The following CELA2B variants were observed in gnomAD, a reference collection of about 807,000 sequenced individuals.
CELA2B encodes the protein chymotrypsin-like elastase family member 2B.
In CELA2B, 27 loss-of-function variants were observed where a neutral mutation model predicts 36.5. The observed-to-expected ratio is 0.74, with a 90% CI of 0.55 to 1.02. The LOEUF is 1.02. Ranked by LOEUF, CELA2B falls within the 50% of genes least tolerant of loss-of-function variation. The pLI, the probability that CELA2B is intolerant of heterozygous loss-of-function variation, is 0.00. For missense variants in CELA2B, 340 were observed against 347.8 expected (o/e 0.98, Z 0.18); for synonymous variants, 143 against 148.5 (o/e 0.96, Z 0.27).
In CELA2B at chr1:15,482,246, T is replaced by C. The variant is rs1382233726; in HGVS notation, c.228-19T>C. 1.2e-6 allele frequency: 2 copies of C among 1,613,328 alleles called. No individual in the cohort carries two copies. The highest frequency in any genetic ancestry group is 1.7e-6 in the Non-Finnish European group (2 of 1,179,514). On this transcript the variant is annotated intron_variant, in intron 3 of 7. Coordinates refer to ENST00000375910, the MANE Select transcript of CELA2B (RefSeq NM_015849.3). ...AGGCCTCTGGAGGTGACCCTCTCCC[T>C]GGGACCCCTTTCTCCCAGCTCCTCC...
chr1:15,481,642 C>T, intron 3 of CELA2B: 1 of 473,926 alleles, frequency 2.1e-6, no homozygotes, highest in South Asian at 1.5e-5. Flanking sequence ...TTCTGAATTG[C>T]AGACAAATTA....
chr1:15,476,705 G>A (rs1441585096), intron 2 of CELA2B, among the ~76,000 whole-genome samples, 160 bp downstream of exon 2: 1 of 152,184 alleles, frequency 6.6e-6, no homozygotes, highest in Non-Finnish European at 1.5e-5. Context: ...ATTTCCAGCT[G>A]GGCACAGTGG....
At position 15,485,944 on chromosome 1, in the gene CELA2B, G is replaced by A; in HGVS notation, c.537G>A (p.Leu179=). Reference sequence around the variant, plus strand: ...ATGACCTGAAGCAGGGCCAGTTGCTGGTTGTGGACTATGCCACCTGCTCCA... The same window carrying A: ...ATGACCTGAAGCAGGGCCAGTTGCTAGTTGTGGACTATGCCACCTGCTCCA... ...LPDDLKQGQL[L]VVDYATCSSS... The change falls in exon 6 of 8, where the codon CTG becomes CTA. Residue 179 remains leucine (L), a synonymous_variant. Coordinates refer to ENST00000375910, the MANE Select transcript of CELA2B (RefSeq NM_015849.3). 2 of 1,614,176 alleles carry A rather than the reference G, an allele frequency of 1.2e-6. No homozygotes were observed. Among genetic ancestry groups the A allele is most frequent in the Non-Finnish European group, 1.7e-6 (2 of 1,180,024 alleles).
At chr1:15,477,348 C>T (rs371400742) in intron 2 of CELA2B, among the ~76,000 whole-genome samples, 4 of 152,232 alleles carry the variant, frequency 2.6e-5, no homozygotes, top group African/African-American at 9.6e-5. Flanking sequence ...ATTACTAAGA[C>T]GTGTTAACGG....
Position 15,476,481 on chromosome 1 carries a change from A to G in CELA2B, c.65A>G (p.Tyr22Cys), listed in dbSNP as rs1332120510. 12 of 1,613,912 alleles carry G rather than the reference A, an allele frequency of 7.4e-6. No individual in the cohort carries two copies. The highest frequency in any genetic ancestry group is 2.7e-5 in the African/African-American group (2 of 74,866). Residue 22 changes from tyrosine (Y) to cysteine (C), a missense_variant, in exon 2 of 8, where the codon TAC becomes TGC. Tyr to Cys is a radical substitution (Grantham distance 194). Transcript: ENST00000375910. ...GCCCTCAGTTGTGGGGTCTCCACTT[A>G]CGCGCCTGATATGTCTAGGATGCTT... Reference protein sequence around the residue: ...AGALSCGVSTYAPDMSRMLGG... With the variant: ...AGALSCGVSTCAPDMSRMLGG...
intron 7 of CELA2B, among the ~76,000 whole-genome samples, chr1:15,490,220 ATATCTATC>A (rs3060903): frequency 0.28 from 41,862 of 148,496 alleles, 6,621 homozygotes; most frequent in African/African-American, 0.43. Context: ...CTTTATGTGC[ATATCTATC>A]TATCTATCTA....
Position 15,483,381 on chromosome 1 carries a change from G to A in CELA2B, c.474G>A (p.Thr158=), listed in dbSNP as rs10927792. The A allele has an allele frequency of 0.27, 429,257 of 1,613,732 alleles. 60,859 individuals carry two copies. The highest frequency in any genetic ancestry group is 0.55 in the East Asian group (24,856 of 44,852). ...CCAACAACTACCCCTGCTACGTCAC[G>A]GGCTGGGGAAGGCTGCAGAGTAAGT... ...ILPNNYPCYV[T]GWGRLQTNGA... The change falls in exon 5 of 8, where the codon ACG becomes ACA. Residue 158 remains threonine, a synonymous_variant. Coordinates refer to ENST00000375910, the MANE Select transcript of CELA2B (RefSeq NM_015849.3).
At position 15,483,315 on chromosome 1, in the gene CELA2B, G is replaced by A. The variant is rs766534078; in HGVS notation, c.408G>A (p.Lys136=). The A allele has an allele frequency of 6.2e-7, 1 of 1,614,046 alleles. No individual in the cohort carries two copies. Among genetic ancestry groups the A allele is most frequent in the Non-Finnish European group, 8.5e-7 (1 of 1,179,934 alleles). The change falls in exon 5 of 8, where the codon AAG becomes AAA. Residue 136 remains lysine (K), a synonymous_variant. Transcript: ENST00000375910. ...KLANPVSLTD[K]IQLACLPPAG... is the part of the protein sequence containing the mutation. ...CTAACCCCGTCTCCCTCACCGACAAGATCCAGCTGGCCTGCCTCCCTCCTG... is the reference window on the plus strand; with the variant it reads ...CTAACCCCGTCTCCCTCACCGACAAAATCCAGCTGGCCTGCCTCCCTCCTG...
At chr1:15,476,201 C>G (rs375665242) in intron 1 of CELA2B, 36 bp downstream of exon 1, 172 of 1,613,812 alleles carry the variant, frequency 1.1e-4, no homozygotes, top group East Asian at 3.6e-4. Context: ...GGTTTCCCAT[C>G]CCCTGGTGGG....
At chr1:15,480,798 G>A (rs576944347) in intron 2 of CELA2B, among the ~76,000 whole-genome samples, 1 of 152,126 alleles carries the variant, frequency 6.6e-6, no homozygotes, top group East Asian at 1.9e-4. Context: ...GTTTCACCAC[G>A]TTGCCCAGGC....
At chr1:15,479,227 G>T (rs11581917) in intron 2 of CELA2B, among the ~76,000 whole-genome samples, 1 of 151,920 alleles carries the variant, frequency 6.6e-6, no homozygotes, top group Non-Finnish European at 1.5e-5. Context: ...TCACAAAAAC[G>T]AGAAATGCCC....
At position 15,485,984 on chromosome 1, in the gene CELA2B, G is replaced by A. The variant is rs1333182843; in HGVS notation, c.577G>A (p.Gly193Ser). The A allele has an allele frequency of 1.2e-6, 2 of 1,614,066 alleles. No individual in the cohort carries two copies. Among genetic ancestry groups the A allele is most frequent in the Non-Finnish European group, 1.7e-6 (2 of 1,180,048 alleles). The change falls in exon 6 of 8, where the codon GGC becomes AGC. Residue 193 changes from glycine to serine, a missense_variant. Coordinates refer to ENST00000375910, the MANE Select transcript of CELA2B (RefSeq NM_015849.3). The stretch of plus-strand genomic sequence containing the variant: ...CACCTGCTCCAGCTCTGGCTGGTGG[G>A]GCAGCACCGTGAAGACGAATATGAT... ...YATCSSSGWW[G>S]STVKTNMICA...
chr1:15,486,843 T>G (rs769371125), intron 6 of CELA2B, among the ~76,000 whole-genome samples: 1 of 152,180 alleles, frequency 6.6e-6, no homozygotes, highest in Non-Finnish European at 1.5e-5. Flanking sequence ...CACACGCCCT[T>G]CAGATCACAC....
At chr1:15,486,766 C>G (rs1033920463) in intron 6 of CELA2B, among the ~76,000 whole-genome samples, 1 of 152,228 alleles carries the variant, frequency 6.6e-6, no homozygotes, top group Admixed American at 6.5e-5. Context: ...GAGACAGTGT[C>G]TTAACCACCA....
intron 4 of CELA2B, 102 bp downstream of exon 4, chr1:15,482,495 T>C (rs1233911504): frequency 2.7e-6 from 4 of 1,506,180 alleles, no homozygotes; most frequent in Admixed American, 3.6e-5. Flanking sequence ...CCTCTGCTTT[T>C]TCTATAGGGA....
At chr1:15,480,797 C>T (rs1338799418) in intron 2 of CELA2B, among the ~76,000 whole-genome samples, 2 of 151,964 alleles carry the variant, frequency 1.3e-5, no homozygotes, top group African/African-American at 4.8e-5. Context: ...GGTTTCACCA[C>T]GTTGCCCAGG....
At chr1:15,484,631 GT>G (rs1380864548) in intron 5 of CELA2B, among the ~76,000 whole-genome samples, 14 of 152,216 alleles carry the variant, frequency 9.2e-5, no homozygotes, top group Admixed American at 9.2e-4. Flanking sequence ...CCACCTGTTT[GT>G]TTCCCCAGCC....
chr1:15,481,086 G>A lies in CELA2B; in HGVS notation c.130-12G>A, dbSNP rs757720815. 6.2e-7 allele frequency: 1 copy of A among 1,612,104 alleles called. No individual in the cohort carries two copies. The highest frequency in any genetic ancestry group is 1.1e-5 in the South Asian group (1 of 90,992). ...TTTTCAGCCACAGCCACAGACCTGT[G>A]TTTCTCCCCAGGTCTCCCTGCAGTA... On this transcript the variant is annotated splice_polypyrimidine_tract_variant and intron_variant, in intron 2 of 7. Coordinates refer to ENST00000375910, the MANE Select transcript of CELA2B (RefSeq NM_015849.3).
At position 15,483,418 on chromosome 1, in the gene CELA2B, G is replaced by A. The variant is rs1193480813; in HGVS notation, c.493+18G>A. The A allele has an allele frequency of 6.2e-7, 1 of 1,613,310 alleles. No homozygotes were observed. Among genetic ancestry groups the A allele is most frequent in the East Asian group, 2.2e-5 (1 of 44,870 alleles). On this transcript the variant is annotated intron_variant, in intron 5 of 7. Coordinates refer to ENST00000375910, the MANE Select transcript of CELA2B (RefSeq NM_015849.3). ...GCTGCAGAGTAAGTGGGAGCCAGGA[G>A]CCCCCAGGCCTGGGAGGGAAGGGAG... is the stretch of plus-strand genomic sequence containing the variant.
Sources: allele counts gnomAD v4.1 joint callset (sites outside exome capture counted in the v4.1 genomes callset), GRCh38; gene constraint gnomAD v4.1.1; transcripts MANE v1.5; gene names NCBI Gene and HGNC (gene_info 2026-07-23, HGNC 2026-07-21).